NBEA: variants seen among roughly 807,000 people sequenced by gnomAD.
NBEA encodes the protein lysosomal-trafficking regulator 2.
NBEA carries 44 observed loss-of-function variants against 343.4 expected under a neutral mutation model. That is an observed-to-expected ratio of 0.13 (90% CI 0.10 to 0.16). NBEA has a LOEUF of 0.16. Ranked by LOEUF, NBEA falls within the 10% of genes least tolerant of loss-of-function variation. The pLI, the probability that NBEA is intolerant of heterozygous loss-of-function variation, is 1.00. For missense variants in NBEA, 2,555 were observed against 3,631.3 expected (o/e 0.70, Z 7.62); for synonymous variants, 1,175 against 1,238.7 (o/e 0.95, Z 1.08).
chr13:35,005,466 T>C (rs934312422), intron 1 of NBEA, among the ~76,000 whole-genome samples: 1 of 152,156 alleles, frequency 6.6e-6, no homozygotes, highest in Non-Finnish European at 1.5e-5. Flanking sequence ...CAATGAATAA[T>C]GAAACCTTTA....
intron 49 of NBEA, among the ~76,000 whole-genome samples, chr13:35,645,534 T>C (rs2084184547): frequency 6.6e-6 from 1 of 152,166 alleles, no homozygotes. Flanking sequence ...TAAAATCTCA[T>C]TTCCAGCTAC....
At chr13:35,135,704 C>G (rs1453879904) in intron 17 of NBEA, among the ~76,000 whole-genome samples, 1 of 151,490 alleles carries the variant, frequency 6.6e-6, no homozygotes, top group East Asian at 1.9e-4. Context: ...GACTTTATAT[C>G]AAGGAATAAA....
chr13:35,495,064 A>C (rs2076630596), intron 41 of NBEA, among the ~76,000 whole-genome samples: 2 of 151,974 alleles, frequency 1.3e-5, no homozygotes, highest in South Asian at 4.1e-4. Context: ...GAATTAAAAT[A>C]AAAATAAGAT....
intron 1 of NBEA, among the ~76,000 whole-genome samples, chr13:35,027,595 T>C (rs1161381920): frequency 6.6e-6 from 1 of 152,042 alleles, no homozygotes. Flanking sequence ...TTATCAGATA[T>C]GTGGTTTACA....
chr13:35,183,925 G>A (rs2071495695), intron 29 of NBEA, 51 bp from the exon 30 acceptor site: 4 of 1,312,892 alleles, frequency 3.0e-6, no homozygotes, highest in Middle Eastern at 3.7e-4. Context: ...TGGACCATGT[G>A]GCAGGTTGTT....
intron 41 of NBEA, among the ~76,000 whole-genome samples, chr13:35,507,367 T>A (rs899421226): frequency 6.6e-5 from 10 of 152,146 alleles, no homozygotes; most frequent in Non-Finnish European, 1.0e-4. Flanking sequence ...ATATCCTCCA[T>A]ATACTGAAAA....
At chr13:35,516,320 G>T (rs1229259702) in intron 41 of NBEA, among the ~76,000 whole-genome samples, 1 of 152,094 alleles carries the variant, frequency 6.6e-6, no homozygotes, top group African/African-American at 2.4e-5. Flanking sequence ...AATCAAGAGT[G>T]TAATGTGTAT....
chr13:35,065,822 T>A (rs939471105), intron 8 of NBEA, among the ~76,000 whole-genome samples: 1 of 152,176 alleles, frequency 6.6e-6, no homozygotes, highest in African/African-American at 2.4e-5. Flanking sequence ...TATTTGTGAA[T>A]TCATCAAATT....
intron 32 of NBEA, among the ~76,000 whole-genome samples, chr13:35,209,601 C>T (rs964515682): frequency 5.9e-5 from 9 of 151,916 alleles, no homozygotes; most frequent in African/African-American, 9.7e-5. Context: ...ATTTATACAG[C>T]GCAAGATGAT....
chr13:35,344,725 A>G (rs1361363488), intron 36 of NBEA, among the ~76,000 whole-genome samples: 1 of 151,774 alleles, frequency 6.6e-6, no homozygotes, highest in East Asian at 1.9e-4. Context: ...AAAACCCTAA[A>G]TAGTTCTTTA....
At chr13:35,439,400 C>T (rs2045613909) in intron 39 of NBEA, among the ~76,000 whole-genome samples, 1 of 152,132 alleles carries the variant, frequency 6.6e-6, no homozygotes, top group South Asian at 2.1e-4. Flanking sequence ...TATGAATTGT[C>T]TCAAGACTTG....
intron 34 of NBEA, among the ~76,000 whole-genome samples, chr13:35,249,401 A>G (rs2031678125): frequency 6.6e-6 from 1 of 152,182 alleles, no homozygotes; most frequent in Non-Finnish European, 1.5e-5. Context: ...AATGTATAAG[A>G]ACTCTTAGAG....
chr13:35,545,548 G>T (rs148390578), intron 41 of NBEA, among the ~76,000 whole-genome samples: 358 of 152,310 alleles, frequency 2.4e-3, no homozygotes, highest in African/African-American at 8.4e-3. Context: ...TTTCCAGCCT[G>T]TGCTAATTTT....
chr13:35,164,486 C>T lies in NBEA; in HGVS notation c.4210C>T (p.Leu1404Phe). 6.2e-7 allele frequency: 1 copy of T among 1,610,646 alleles called. No individual in the cohort carries two copies. Among genetic ancestry groups the T allele is most frequent in the South Asian group, 1.1e-5 (1 of 90,468 alleles). The change falls in exon 24 of 59, where the codon CTC becomes TTC. Residue 1404 changes from leucine to phenylalanine, a missense_variant. Leu to Phe is a conservative substitution (Grantham distance 22). Around this residue, in one of 21 missense-constraint regions of NBEA, gnomAD observed 69 missense variants for 128.8 expected, o/e 0.54. Coordinates refer to ENST00000379939, the MANE Select transcript of NBEA (RefSeq NM_001385012.1). Reference protein sequence around the residue: ...IIACGGILPLLSAATSPTGSK... With the variant: ...IIACGGILPLFSAATSPTGSK... ...TGCTTGTGGAGGAATTTTACCTTTGCTCTCTGCTGCTACATCACCAACTGT... is the reference window on the plus strand; with the variant it reads ...TGCTTGTGGAGGAATTTTACCTTTGTTCTCTGCTGCTACATCACCAACTGT...
At chr13:35,608,287 G>A (rs1037477959) in intron 48 of NBEA, among the ~76,000 whole-genome samples, 19 of 151,960 alleles carry the variant, frequency 1.3e-4, no homozygotes, top group African/African-American at 1.7e-4. Context: ...GATATATGCA[G>A]TTATTTCATA....
intron 45 of NBEA, among the ~76,000 whole-genome samples, chr13:35,572,258 C>T (rs1259995049): frequency 6.6e-6 from 1 of 152,160 alleles, no homozygotes; most frequent in Admixed American, 6.5e-5. Flanking sequence ...ATGAACTCGA[C>T]TCTTAAATTA....
intron 30 of NBEA, among the ~76,000 whole-genome samples, chr13:35,184,895 G>C (rs1369141690): frequency 6.6e-6 from 1 of 152,086 alleles, no homozygotes; most frequent in African/African-American, 2.4e-5. Context: ...TCCTGTGTAC[G>C]CACTCTGCAA....
At chr13:35,103,019 AT>A (rs1480980697) in intron 11 of NBEA, among the ~76,000 whole-genome samples, 2 of 151,808 alleles carry the variant, frequency 1.3e-5, no homozygotes, top group East Asian at 1.9e-4. Context: ...CTTTGTGTGG[AT>A]TTTTTAGTTA....
At chr13:35,031,977 G>T (rs1227833770) in intron 1 of NBEA, among the ~76,000 whole-genome samples, 2 of 151,468 alleles carry the variant, frequency 1.3e-5, no homozygotes, top group East Asian at 3.8e-4. Flanking sequence ...AAGAGACATG[G>T]TATTGTTCCT....
Sources: gnomAD v4.1 joint callset for allele counts (sites outside exome capture counted in the v4.1 genomes callset) on GRCh38, gnomAD v4.1.1 for gene constraint, gnomAD v4.1.1 regional missense constraint, MANE v1.5 for transcripts, NCBI Gene and HGNC (gene_info 2026-07-23, HGNC 2026-07-21) for gene names.